GPHN: variants seen among roughly 807,000 people sequenced by gnomAD.
GPHN encodes gephyrin.
In GPHN, 17 loss-of-function variants were observed where a neutral mutation model predicts 95.5. That is an observed-to-expected ratio of 0.18 (90% confidence interval 0.12 to 0.27). GPHN has a LOEUF of 0.27. Among genes scored for constraint, GPHN ranks in the 10% least tolerant of loss-of-function variants. GPHN has a pLI of 1.00. For synonymous variants in GPHN, 320 were observed against 322.5 expected, an observed-to-expected ratio of 0.99 and a Z score of 0.08; for missense variants, 660 against 978.1, an observed-to-expected ratio of 0.67 and a Z score of 4.34.
chr14:67,466,059 C>T, the GPHN span, among the ~76,000 whole-genome samples: 18 of 152,292 alleles, frequency 1.2e-4, no homozygotes, highest in Admixed American at 1.1e-3. Flanking sequence ...GAACACAGTT[C>T]CATTGTTTAG....
At chr14:66,601,761 T>C (rs536651254) in intron 1 of GPHN, among the ~76,000 whole-genome samples, 1 of 152,078 alleles carries the variant, frequency 6.6e-6, no homozygotes, top group South Asian at 2.1e-4. Flanking sequence ...TCCCAATTTT[T>C]TGGGAAAAAT....
chr14:67,429,319 C>T, the GPHN span, among the ~76,000 whole-genome samples: 1 of 151,370 alleles, frequency 6.6e-6, no homozygotes. Context: ...CAACATCCGG[C>T]TCCCGGGTTC....
At chr14:67,521,775 A>G in the GPHN span, among the ~76,000 whole-genome samples, 1 of 152,246 alleles carries the variant, frequency 6.6e-6, no homozygotes, top group Non-Finnish European at 1.5e-5. Context: ...AAGTTAAAAG[A>G]AATCAAAGTG....
chr14:66,595,478 C>G (rs112906597), intron 1 of GPHN, among the ~76,000 whole-genome samples: 4 of 152,152 alleles, frequency 2.6e-5, no homozygotes, highest in Admixed American at 2.0e-4. Flanking sequence ...ACACTCTGCT[C>G]GCACTAACAG....
the GPHN span, chr14:67,301,531 A>G: frequency 8.7e-7 from 1 of 1,150,934 alleles, no homozygotes; most frequent in South Asian, 1.5e-5. Context: ...TTTAAATCAA[A>G]GACTCCAGTA....
chr14:67,347,277 CTA>C, the GPHN span: 2 of 717,688 alleles, frequency 2.8e-6, no homozygotes, highest in Non-Finnish European at 2.3e-6. Flanking sequence ...ATTGTCCTGA[CTA>C]TATCAAATAA....
At chr14:67,128,279 C>T (rs1354659615) in intron 17 of GPHN, among the ~76,000 whole-genome samples, 6 of 146,140 alleles carry the variant, frequency 4.1e-5, no homozygotes, top group South Asian at 2.1e-4. Flanking sequence ...TTTTTTGAGA[C>T]GGAGTCTCGC....
chr14:67,487,667 C>T, the GPHN span, among the ~76,000 whole-genome samples: 1 of 152,164 alleles, frequency 6.6e-6, no homozygotes, highest in South Asian at 2.1e-4. Context: ...ACTATTCTAC[C>T]TCTCTAATAT....
the GPHN span, chr14:67,302,126 T>TCCC: frequency 6.3e-7 from 1 of 1,589,130 alleles, no homozygotes; most frequent in Non-Finnish European, 8.5e-7. Context: ...TTGGTAAGTG[T>TCCC]CCCACATACT....
At chr14:66,596,778 G>A (rs1436654165) in intron 1 of GPHN, among the ~76,000 whole-genome samples, 3 of 151,860 alleles carry the variant, frequency 2.0e-5, no homozygotes, top group South Asian at 2.1e-4. Context: ...ACAGCTTGAC[G>A]GCTACAACTG....
intron 1 of GPHN, among the ~76,000 whole-genome samples, chr14:66,590,759 G>T (rs2061606543): frequency 6.6e-6 from 1 of 152,022 alleles, no homozygotes; most frequent in African/African-American, 2.4e-5. Flanking sequence ...TTCTGAAACT[G>T]TTCCAAACAA....
chr14:67,084,801 A>G (rs1363455908), intron 11 of GPHN, among the ~76,000 whole-genome samples: 1 of 152,186 alleles, frequency 6.6e-6, no homozygotes, highest in Non-Finnish European at 1.5e-5. Context: ...CTAGGAGGAG[A>G]AAAAGGAAAG....
At chr14:66,624,275 A>G (rs2063432007) in intron 1 of GPHN, among the ~76,000 whole-genome samples, 1 of 152,216 alleles carries the variant, frequency 6.6e-6, no homozygotes, top group Non-Finnish European at 1.5e-5. Context: ...CCTCTGTAAT[A>G]AGAAGAACTA....
At chr14:67,588,835 G>A in the GPHN span, 1 of 152,574 alleles carries the variant, frequency 6.6e-6, no homozygotes, top group Admixed American at 6.6e-5. Flanking sequence ...GAACACCTCA[G>A]CTGCTGTAAG....
intron 5 of GPHN, among the ~76,000 whole-genome samples, chr14:66,902,658 G>A (rs1238392772): frequency 2.6e-5 from 4 of 151,926 alleles, no homozygotes; most frequent in Non-Finnish European, 5.9e-5. Flanking sequence ...TATTAATGTA[G>A]CATATCACAT....
At chr14:66,903,242 T>G (rs1484526453) in intron 5 of GPHN, among the ~76,000 whole-genome samples, 1 of 152,124 alleles carries the variant, frequency 6.6e-6, no homozygotes, top group Non-Finnish European at 1.5e-5. Context: ...TCCCTTAAGA[T>G]CTATTAATGT....
At chr14:66,888,654 A>G (rs1216712612) in intron 5 of GPHN, among the ~76,000 whole-genome samples, 1 of 152,158 alleles carries the variant, frequency 6.6e-6, no homozygotes, top group East Asian at 1.9e-4. Flanking sequence ...AAATGAAGAT[A>G]GTAATGTAGG....
intron 1 of GPHN, among the ~76,000 whole-genome samples, chr14:66,670,069 T>G (rs942025221): frequency 2.6e-5 from 4 of 152,178 alleles, no homozygotes; most frequent in Non-Finnish European, 5.9e-5. Flanking sequence ...AATTATCTGG[T>G]GTAGCTGTCT....
the GPHN span, among the ~76,000 whole-genome samples, chr14:67,702,993 T>C: frequency 4.6e-4 from 70 of 152,140 alleles, no homozygotes; most frequent in Middle Eastern, 3.4e-3. Context: ...TAAAAAAGTT[T>C]TTTTTTTGTA....
Sources: allele counts gnomAD v4.1 joint callset (sites outside exome capture counted in the v4.1 genomes callset), GRCh38; gene constraint gnomAD v4.1.1; transcripts MANE v1.5; gene names NCBI Gene and HGNC (gene_info 2026-07-23, HGNC 2026-07-21).